LMBR1: variants seen among roughly 807,000 people sequenced by gnomAD.
LMBR1 encodes the protein limb region 1 protein homolog.
LMBR1 carries 52 observed loss-of-function variants against 73.9 expected under a neutral mutation model. That is an observed-to-expected ratio of 0.70 (90% CI 0.56 to 0.89). LMBR1 has a LOEUF of 0.89. Ranked by LOEUF, LMBR1 falls within the 40% of genes least tolerant of loss-of-function variation. The probability of loss-of-function intolerance (pLI) is 0.00; values close to 1 mark genes in which losing one functional copy is unlikely to be tolerated. For missense variants in LMBR1, 539 were observed against 579.8 expected (o/e 0.93, Z 0.72); for synonymous variants, 215 against 209.4 (o/e 1.03, Z -0.23).
chr7:156,776,041 A>T (rs1205724968), intron 5 of LMBR1, among the ~76,000 whole-genome samples: 7 of 149,160 alleles, frequency 4.7e-5, no homozygotes, highest in Non-Finnish European at 8.9e-5. Flanking sequence ...AATGAGTATT[A>T]TATATATATG....
intron 1 of LMBR1, among the ~76,000 whole-genome samples, chr7:156,877,286 T>C (rs1251195280): frequency 6.7e-6 from 1 of 148,216 alleles, no homozygotes; most frequent in South Asian, 2.1e-4. Flanking sequence ...AAAAAAAAAG[T>C]CCAGGACCAG....
chr7:156,729,092 G>A (rs1210339985), intron 10 of LMBR1, among the ~76,000 whole-genome samples: 7 of 152,082 alleles, frequency 4.6e-5, no homozygotes, highest in African/African-American at 1.4e-4. Context: ...GATCCTCCCC[G>A]CTCAGCTTCC....
intron 1 of LMBR1, among the ~76,000 whole-genome samples, chr7:156,859,196 C>T (rs1230739395): frequency 6.6e-6 from 1 of 151,092 alleles, no homozygotes; most frequent in African/African-American, 2.4e-5. Flanking sequence ...TGCAGTGAGC[C>T]GAGATTGCGC....
chr7:156,736,985 T>TG (rs1016133892), intron 9 of LMBR1, among the ~76,000 whole-genome samples: 134 of 152,296 alleles, frequency 8.8e-4, no homozygotes, highest in African/African-American at 3.1e-3. Flanking sequence ...CCACCCCAGA[T>TG]GGACTGCCCT....
chr7:156,830,090 T>C (rs1023128008), intron 3 of LMBR1, among the ~76,000 whole-genome samples: 1 of 152,228 alleles, frequency 6.6e-6, no homozygotes, highest in African/African-American at 2.4e-5. Flanking sequence ...GCAATCTGAA[T>C]GTGACCTTCT....
chr7:156,712,480 A>G (rs1812281398), intron 15 of LMBR1, among the ~76,000 whole-genome samples: 1 of 152,198 alleles, frequency 6.6e-6, no homozygotes, highest in Non-Finnish European at 1.5e-5. Context: ...TGAAAATAGA[A>G]CTACCATCTG....
chr7:156,717,610 C>A (rs895202763), intron 15 of LMBR1, among the ~76,000 whole-genome samples: 1 of 152,136 alleles, frequency 6.6e-6, no homozygotes, highest in Admixed American at 6.5e-5. Context: ...TAGAATGAGG[C>A]AATTACAAGT....
At chr7:156,706,867 T>A (rs1811045330) in intron 15 of LMBR1, among the ~76,000 whole-genome samples, 3 of 138,642 alleles carry the variant, frequency 2.2e-5, no homozygotes, top group African/African-American at 2.7e-5. Context: ...AGAAAAGAAA[T>A]AACAAAGATC....
At chr7:156,820,587 G>A (rs994906769) in intron 4 of LMBR1, among the ~76,000 whole-genome samples, 1 of 152,110 alleles carries the variant, frequency 6.6e-6, no homozygotes, top group Non-Finnish European at 1.5e-5. Flanking sequence ...AATTTCTAGG[G>A]GTCCAGTGTT....
At chr7:156,702,342 T>C (rs1809944547) in intron 15 of LMBR1, among the ~76,000 whole-genome samples, 1 of 152,252 alleles carries the variant, frequency 6.6e-6, no homozygotes, top group South Asian at 2.1e-4. Flanking sequence ...TGGTATCTCA[T>C]TGTGGTTCTG....
intron 5 of LMBR1, among the ~76,000 whole-genome samples, chr7:156,766,779 G>C (rs1454349280): frequency 6.6e-6 from 1 of 152,134 alleles, no homozygotes; most frequent in African/African-American, 2.4e-5. Flanking sequence ...CAGTGAGGCT[G>C]AGCCCACTGC....
At chr7:156,872,812 T>C (rs192434824) in intron 1 of LMBR1, among the ~76,000 whole-genome samples, 1 of 152,042 alleles carries the variant, frequency 6.6e-6, no homozygotes, top group East Asian at 1.9e-4. Context: ...GACAGAGTAG[T>C]GTGTGGAGAC....
Position 156,698,198 on chromosome 7 carries a change from T to A in LMBR1, c.1226-10007A>T, listed in dbSNP as rs908775301. On this transcript the variant is annotated intron_variant, in intron 15 of 16. Coordinates refer to ENST00000353442, the MANE Select transcript of LMBR1 (RefSeq NM_022458.4). ...TGGTGATGCAAGAAGTGGGTTCCCATGGTCTTGGGCAGCTCCACCCCTGTG... is the reference window on the plus strand; with the variant it reads ...TGGTGATGCAAGAAGTGGGTTCCCAAGGTCTTGGGCAGCTCCACCCCTGTG... 2.0e-5 allele frequency among the ~76,000 whole-genome samples: 3 copies of A among 152,196 alleles called. No homozygotes were observed. The East Asian group carries it at 5.8e-4, about 29-fold the overall frequency.
intron 3 of LMBR1, among the ~76,000 whole-genome samples, chr7:156,830,452 T>C (rs1044507069): frequency 2.0e-5 from 3 of 152,226 alleles, no homozygotes; most frequent in Non-Finnish European, 4.4e-5. Context: ...CAAGACTTTA[T>C]CATAGTTGAA....
chr7:156,747,661 A>G (rs1820086511), intron 9 of LMBR1, among the ~76,000 whole-genome samples: 1 of 152,182 alleles, frequency 6.6e-6, no homozygotes, highest in South Asian at 2.1e-4. Flanking sequence ...AAACAGATTG[A>G]TGTTACATTT....
rs980153747 is a variant in LMBR1, at chr7:156,678,865, G to A, written c.*5213C>T. 1.3e-5 allele frequency: 2 copies of A among 152,162 alleles called. No individual in the cohort carries two copies. The highest frequency in any genetic ancestry group is 4.8e-5 in the African/African-American group (2 of 41,426). 9.4% of individuals were successfully genotyped at this position (152,162 alleles called of 1,614,324 possible). ...TTAGGAGCCTACCATTCCATGGGCG[G>A]GGGGAATCATTAAATCACTATCAAG... On this transcript the variant is annotated 3_prime_UTR_variant, in exon 17 of 17. Coordinates refer to ENST00000353442, the MANE Select transcript of LMBR1 (RefSeq NM_022458.4).
chr7:156,875,447 C>T (rs1306378368), intron 1 of LMBR1, among the ~76,000 whole-genome samples: 1 of 152,058 alleles, frequency 6.6e-6, no homozygotes, highest in Non-Finnish European at 1.5e-5. Context: ...CCTAGACGTC[C>T]AAATACAAGA....
chr7:156,746,469 T>C (rs1819875758), intron 9 of LMBR1, among the ~76,000 whole-genome samples: 1 of 152,178 alleles, frequency 6.6e-6, no homozygotes, highest in Admixed American at 6.5e-5. Context: ...TCTAGACCAC[T>C]CAATGTATGA....
chr7:156,744,766 G>A (rs549891864), intron 9 of LMBR1, among the ~76,000 whole-genome samples: 1 of 152,114 alleles, frequency 6.6e-6, no homozygotes, highest in Non-Finnish European at 1.5e-5. Context: ...TAAATTTATT[G>A]TCTTACAGCT....
Sources: allele counts gnomAD v4.1 joint callset (sites outside exome capture counted in the v4.1 genomes callset), GRCh38; gene constraint gnomAD v4.1.1; transcripts MANE v1.5; gene names NCBI Gene and HGNC (gene_info 2026-07-23, HGNC 2026-07-21).